ARHGAP6: variants seen among roughly 807,000 people sequenced by gnomAD.
ARHGAP6 encodes rho GTPase-activating protein 6.
ARHGAP6 carries 16 observed loss-of-function variants against 55.7 expected under a neutral mutation model. The observed-to-expected ratio is 0.29, with a 90% CI of 0.19 to 0.44. The LOEUF (loss-of-function observed/expected upper bound fraction) is 0.44, where lower values mean the gene tolerates loss of function less well. Ranked by LOEUF, ARHGAP6 falls within the 20% of genes least tolerant of loss-of-function variation. The probability of loss-of-function intolerance (pLI) is 1.00; values close to 1 mark genes in which losing one functional copy is unlikely to be tolerated. For missense variants in ARHGAP6, 698 were observed against 808.9 expected, an observed-to-expected ratio of 0.86 and a Z score of 1.66; for synonymous variants, 382 against 360.9, an observed-to-expected ratio of 1.06 and a Z score of -0.66.
intron 8 of ARHGAP6, 68 bp downstream of exon 8, chrX:11,178,032 G>T (rs1038300949): frequency 1.7e-6 from 2 of 1,180,546 alleles, no homozygotes; most frequent in Non-Finnish European, 2.3e-6. Context: ...TGGCCATTTT[G>T]GTGGTATGCC....
chrX:11,169,453 G>A lies in ARHGAP6; in HGVS notation c.1809+52C>T, dbSNP rs1292692693. 6.3e-6 allele frequency: 7 copies of A among 1,107,213 alleles called. No individual in the cohort carries two copies. The African/African-American group carries it at 1.3e-4, about 21-fold the overall frequency. 91.2% of individuals were successfully genotyped at this position (1,107,213 alleles called of 1,213,427 possible). A position where few individuals can be genotyped will look rare whatever the true frequency, so the allele number is the denominator to read the frequency against. ...ACTAGAATTTCATCCTGCCTCCAGA[G>A]GAAACCAATAGGCAGTTTGCTGTGA... On this transcript the variant is annotated intron_variant, in intron 9 of 12. Coordinates refer to ENST00000337414, the MANE Select transcript of ARHGAP6 (RefSeq NM_013427.3).
chrX:11,158,101 T>G (rs535077984), intron 9 of ARHGAP6, among the ~76,000 whole-genome samples: 19 of 111,980 alleles, frequency 1.7e-4, no homozygotes, highest in Middle Eastern at 4.6e-3. Context: ...CCTCCTCTTA[T>G]AATAGTTATA....
intron 1 of ARHGAP6, among the ~76,000 whole-genome samples, chrX:11,330,057 A>G (rs183674234): frequency 8.8e-6 from 1 of 113,220 alleles, no homozygotes; most frequent in African/African-American, 3.2e-5. Context: ...CAACAACTAC[A>G]TGCACAACAG....
intron 1 of ARHGAP6, among the ~76,000 whole-genome samples, chrX:11,453,194 C>CTCTA (rs1556020289): frequency 4.1e-5 from 4 of 97,102 alleles, no homozygotes; most frequent in Non-Finnish European, 8.1e-5. Flanking sequence ...CTCTCTCTCT[C>CTCTA]TATATATATA....
intron 1 of ARHGAP6, among the ~76,000 whole-genome samples, chrX:11,515,280 A>C (rs1274820563): frequency 8.9e-6 from 1 of 112,452 alleles, no homozygotes; most frequent in Admixed American, 9.5e-5. Flanking sequence ...AAAGTATATA[A>C]GTCACTAAGG....
intron 1 of ARHGAP6, among the ~76,000 whole-genome samples, chrX:11,476,308 G>A (rs760634029): frequency 7.2e-5 from 8 of 110,915 alleles, no homozygotes; most frequent in Non-Finnish European, 1.1e-4. Context: ...TTTAATCAAA[G>A]CACACAAACC....
Position 11,205,428 on chromosome X carries a change from C to T in ARHGAP6, c.749-8432G>A, listed in dbSNP as rs769357965. Among the ~76,000 whole-genome samples the T allele has an allele frequency of 7.2e-5, 8 of 111,753 alleles. 1 individual carries two copies. In the East Asian group the frequency reaches 2.2e-3, roughly 31 times the overall value. On this transcript the variant is annotated intron_variant, in intron 2 of 12. Coordinates refer to ENST00000337414, the MANE Select transcript of ARHGAP6 (RefSeq NM_013427.3). ...CAGGGAGGGGGCACAAAGTTGCCCC[C>T]AGTTGAGAACAACTGACCTGCAAAA...
In ARHGAP6 at chrX:11,399,368, A is replaced by C. The variant is rs774229773; in HGVS notation, c.589-144661T>G. ...CAATAAGCAATCAAAAAAAAAAAAAAAAAAAAAAACCACTGGCTTAAATAA... is the reference window on the plus strand; with the variant it reads ...CAATAAGCAATCAAAAAAAAAAAAACAAAAAAAAACCACTGGCTTAAATAA... On this transcript the variant is annotated intron_variant, in intron 1 of 12. Coordinates refer to ENST00000337414, the MANE Select transcript of ARHGAP6 (RefSeq NM_013427.3). Among the ~76,000 whole-genome samples the C allele has an allele frequency of 5.3e-3, 574 of 108,983 alleles. 3 individuals carry two copies. The highest frequency in any genetic ancestry group is 7.7e-3 in the Non-Finnish European group (403 of 52,292). 94.6% of individuals were successfully genotyped at this position (108,983 alleles called of 115,157 possible).
At chrX:11,167,400 A>G (rs1011429897) in intron 9 of ARHGAP6, among the ~76,000 whole-genome samples, 2 of 111,465 alleles carry the variant, frequency 1.8e-5, no homozygotes, top group Admixed American at 9.6e-5. Context: ...AAAGGCCTCT[A>G]TGAGAAGTAA....
intron 1 of ARHGAP6, among the ~76,000 whole-genome samples, chrX:11,517,692 C>T (rs754607296): frequency 1.9e-4 from 21 of 111,431 alleles, no homozygotes; most frequent in Non-Finnish European, 3.2e-4. Flanking sequence ...AGCTGGAAGT[C>T]ACTATCCACA....
intron 1 of ARHGAP6, among the ~76,000 whole-genome samples, chrX:11,635,450 AT>A: frequency 9.0e-6 from 1 of 111,632 alleles, no homozygotes; most frequent in East Asian, 2.8e-4. Context: ...TCCACTTTAT[AT>A]TTTTAATAAA....
At chrX:11,426,966 C>T (rs142579575) in intron 1 of ARHGAP6, among the ~76,000 whole-genome samples, 3,879 of 109,772 alleles carry the variant, frequency 0.035, 180 homozygotes, top group African/African-American at 0.12. Context: ...GGGGAAGGTA[C>T]GACAGAAGAG....
intron 1 of ARHGAP6, chrX:11,427,582 AC>A: frequency 3.3e-6 from 3 of 907,853 alleles, no homozygotes; most frequent in Non-Finnish European, 4.1e-6. Flanking sequence ...GCCGCGGTAC[AC>A]CGGGTGCCCC....
chrX:11,344,678 C>CAAAAAAAAAAAAAAAA (rs34123570), intron 1 of ARHGAP6, among the ~76,000 whole-genome samples: 1 of 28,269 alleles, frequency 3.5e-5, no homozygotes, highest in African/African-American at 1.5e-4. Flanking sequence ...AACTCCATCA[C>CAAAAAAAAAAAAAAAA]AAAAAAAAAA....
At chrX:11,574,236 G>T (rs766257974) in intron 1 of ARHGAP6, among the ~76,000 whole-genome samples, 1,145 of 111,255 alleles carry the variant, frequency 0.01, 7 homozygotes, top group Non-Finnish European at 0.018. Context: ...GAGGCCAGCA[G>T]CATCCTGATA....
At chrX:11,480,602 A>G (rs943399043) in intron 1 of ARHGAP6, among the ~76,000 whole-genome samples, 8 of 112,668 alleles carry the variant, frequency 7.1e-5, no homozygotes, top group East Asian at 5.5e-4. Flanking sequence ...CGTGAATTGT[A>G]TAAGTGAATT....
intron 1 of ARHGAP6, among the ~76,000 whole-genome samples, chrX:11,617,380 G>C (rs761916263): frequency 1.8e-5 from 2 of 111,842 alleles, no homozygotes; most frequent in East Asian, 5.6e-4. Flanking sequence ...AGTTTAAATA[G>C]TATGTGTCAT....
intron 1 of ARHGAP6, among the ~76,000 whole-genome samples, chrX:11,302,473 C>T (rs2048185180): frequency 9.0e-6 from 1 of 111,720 alleles, no homozygotes; most frequent in Non-Finnish European, 1.9e-5. Flanking sequence ...TTCCTCAGGC[C>T]AAACTTTACA....
intron 1 of ARHGAP6, among the ~76,000 whole-genome samples, chrX:11,484,504 G>GAGAAAAAAGGACGAAAAGA (rs1556027449): frequency 4.3e-4 from 43 of 100,990 alleles, no homozygotes; most frequent in Admixed American, 1.2e-3. Flanking sequence ...GAAGGAGGAA[G>GAGAAAAAAGGACGAAAAGA]AGAAAAAAGG....
Sources: allele counts gnomAD v4.1 joint callset (sites outside exome capture counted in the v4.1 genomes callset), GRCh38; gene constraint gnomAD v4.1.1; transcripts MANE v1.5; gene names NCBI Gene and HGNC (gene_info 2026-07-23, HGNC 2026-07-21).